THSD7B: variants seen among roughly 807,000 people sequenced by gnomAD.
The protein encoded by THSD7B is thrombospondin type 1 domain containing 7B.
In THSD7B, 138 loss-of-function variants were observed where a neutral mutation model predicts 213.6. The observed-to-expected ratio is 0.65, with a 90% confidence interval of 0.56 to 0.74. The LOEUF is 0.74. Ranked by LOEUF, THSD7B falls within the 30% of genes least tolerant of loss-of-function variation. The pLI, the probability that THSD7B is intolerant of heterozygous loss-of-function variation, is 0.00. For missense variants in THSD7B, 1,931 were observed against 1,991.5 expected, an observed-to-expected ratio of 0.97 and a Z score of 0.58; for synonymous variants, 742 against 687.0, an observed-to-expected ratio of 1.08 and a Z score of -1.25.
chr2:137,438,489 C>T (rs1313676912), intron 14 of THSD7B, among the ~76,000 whole-genome samples: 1 of 152,062 alleles, frequency 6.6e-6, no homozygotes, highest in African/African-American at 2.4e-5. Flanking sequence ...CACTAGTCAC[C>T]TCTGCTTGTT....
At chr2:137,031,831 CTT>C (rs542117596) in intron 2 of THSD7B, among the ~76,000 whole-genome samples, 36 of 137,044 alleles carry the variant, frequency 2.6e-4, no homozygotes, top group Admixed American at 2.9e-4. Flanking sequence ...CTTTTCTTTC[CTT>C]TTTTTTTTTT....
chr2:137,668,988 C>A (rs1169460236), intron 27 of THSD7B, among the ~76,000 whole-genome samples: 1 of 152,028 alleles, frequency 6.6e-6, no homozygotes, highest in Non-Finnish European at 1.5e-5. Context: ...CAGTTCAAAC[C>A]TGTGTTGTTC....
At chr2:137,285,620 G>A (rs10190178) in intron 12 of THSD7B, among the ~76,000 whole-genome samples, 41,825 of 150,048 alleles carry the variant, frequency 0.28, 6,106 homozygotes, top group South Asian at 0.45. Flanking sequence ...ATTAGAAATC[G>A]GAACAAGTTA....
At chr2:137,391,387 TAAAA>T (rs1686022913) in intron 12 of THSD7B, among the ~76,000 whole-genome samples, 1 of 151,672 alleles carries the variant, frequency 6.6e-6, no homozygotes. Flanking sequence ...CAATTTTTTT[TAAAA>T]TCTTTTTAAA....
At chr2:137,481,549 A>G (rs149262679) in intron 15 of THSD7B, among the ~76,000 whole-genome samples, 1 of 152,344 alleles carries the variant, frequency 6.6e-6, no homozygotes. Context: ...CCAAATAGAA[A>G]AAGTTTAGGC....
chr2:137,525,090 T>A (rs912954545), intron 15 of THSD7B, among the ~76,000 whole-genome samples: 6 of 152,192 alleles, frequency 3.9e-5, no homozygotes, highest in Non-Finnish European at 7.3e-5. Context: ...ATCTTTGACA[T>A]TTAGTTCAAA....
At chr2:136,771,207 G>T (rs984669692) in intron 1 of THSD7B, among the ~76,000 whole-genome samples, 1 of 151,816 alleles carries the variant, frequency 6.6e-6, no homozygotes, top group African/African-American at 2.4e-5. Context: ...ATTAAATATT[G>T]TTAGTAGGGC....
At chr2:137,488,743 G>C (rs963926786) in intron 15 of THSD7B, among the ~76,000 whole-genome samples, 3 of 152,172 alleles carry the variant, frequency 2.0e-5, no homozygotes, top group African/African-American at 7.2e-5. Context: ...TATCTTGCCT[G>C]AGAGAATAAT....
chr2:137,183,958 C>T (rs1219649923), intron 7 of THSD7B, among the ~76,000 whole-genome samples: 1 of 152,062 alleles, frequency 6.6e-6, no homozygotes, highest in African/African-American at 2.4e-5. Context: ...ATAATGGAAC[C>T]TTCTGTTTAT....
chr2:137,206,074 A>G (rs1282577920), intron 7 of THSD7B, among the ~76,000 whole-genome samples: 2 of 147,716 alleles, frequency 1.4e-5, no homozygotes, highest in Non-Finnish European at 3.0e-5. Context: ...AATGTCTTTC[A>G]TATTGTTTTT....
At chr2:137,275,227 A>G (rs549024885) in intron 11 of THSD7B, among the ~76,000 whole-genome samples, 94 of 152,210 alleles carry the variant, frequency 6.2e-4, no homozygotes, top group African/African-American at 2.2e-3. Flanking sequence ...ACTAGAAATC[A>G]TGGTATTTTA....
rs76403775 is a variant in THSD7B at position 137,194,688 on chromosome 2, A to G, written c.1723+23750A>G. 2.5e-3 allele frequency among the ~76,000 whole-genome samples: 381 copies of G among 152,218 alleles called. 1 individual carries two copies. Among genetic ancestry groups the G allele is most frequent in the African/African-American group, 8.9e-3 (370 of 41,556 alleles). On this transcript the variant is annotated intron_variant, in intron 7 of 27. Transcript: ENST00000409968. ...TATTCCTATTCTATCTTTTGTTACT[A>G]TTGTAAATAATGTTTTCTCTCTTTG...
At chr2:137,126,175 G>A (rs1444579571) in intron 5 of THSD7B, among the ~76,000 whole-genome samples, 1 of 152,120 alleles carries the variant, frequency 6.6e-6, no homozygotes, top group African/African-American at 2.4e-5. Flanking sequence ...GAAAGAGTCA[G>A]CCTATCTTTT....
intron 15 of THSD7B, among the ~76,000 whole-genome samples, chr2:137,537,157 G>T (rs1333088723): frequency 2.6e-5 from 4 of 151,558 alleles, no homozygotes; most frequent in African/African-American, 9.7e-5. Context: ...ATCAAGCTTT[G>T]GTATTAATAC....
intron 1 of THSD7B, among the ~76,000 whole-genome samples, chr2:136,835,128 G>A (rs1326059580): frequency 6.6e-6 from 1 of 152,108 alleles, no homozygotes; most frequent in Non-Finnish European, 1.5e-5. Context: ...CTAATTATCA[G>A]GACTCTATTT....
At chr2:137,328,413 G>A (rs367601913) in intron 12 of THSD7B, among the ~76,000 whole-genome samples, 12 of 152,118 alleles carry the variant, frequency 7.9e-5, no homozygotes, top group African/African-American at 1.4e-4. Flanking sequence ...AATTTAAAAC[G>A]TTTAAATGTT....
At chr2:137,642,365 T>G in intron 20 of THSD7B, 123 bp from the exon 21 acceptor site, 2 of 1,199,678 alleles carry the variant, frequency 1.7e-6, no homozygotes, top group Non-Finnish European at 2.3e-6. Context: ...AAACTAAAAG[T>G]GAGATAGGAC....
At chr2:137,378,145 AC>A (rs199995876) in intron 12 of THSD7B, among the ~76,000 whole-genome samples, 4 of 152,236 alleles carry the variant, frequency 2.6e-5, no homozygotes, top group Admixed American at 1.3e-4. Context: ...ATTAAAAACA[AC>A]AAAAAAAAGC....
intron 12 of THSD7B, among the ~76,000 whole-genome samples, chr2:137,314,037 A>T (rs1684007786): frequency 6.6e-6 from 1 of 151,980 alleles, no homozygotes. Context: ...GTATTTCCTG[A>T]ATCTGAATGT....
Sources: allele counts gnomAD v4.1 joint callset (sites outside exome capture counted in the v4.1 genomes callset), GRCh38; gene constraint gnomAD v4.1.1; transcripts MANE v1.5; gene names NCBI Gene and HGNC (gene_info 2026-07-23, HGNC 2026-07-21).